The following DDR2 variants were observed in gnomAD, a reference collection of about 807,000 sequenced individuals.
DDR2 encodes the protein discoidin domain-containing receptor 2.
DDR2 carries 27 observed loss-of-function variants against 94.9 expected under a neutral mutation model. The observed-to-expected ratio is 0.28, with a 90% CI of 0.21 to 0.39. The LOEUF (loss-of-function observed/expected upper bound fraction) is 0.39. Among genes scored for constraint, DDR2 ranks in the 10% least tolerant of loss-of-function variants. DDR2 has a pLI of 1.00. For synonymous variants in DDR2, 382 were observed against 377.2 expected, an observed-to-expected ratio of 1.01 and a Z score of -0.15; for missense variants, 783 against 1,076.0, an observed-to-expected ratio of 0.73 and a Z score of 3.81.
At chr1:162,753,243 G>C in intron 4 of DDR2, 46 bp downstream of exon 4, 1 of 1,561,710 alleles carries the variant, frequency 6.4e-7, no homozygotes, top group African/African-American at 1.4e-5. Flanking sequence ...GGGTTGGGCA[G>C]ATTTCCTGGG....
At chr1:162,712,110 T>C (rs1040718302) in intron 2 of DDR2, among the ~76,000 whole-genome samples, 3 of 151,388 alleles carry the variant, frequency 2.0e-5, no homozygotes, top group African/African-American at 7.3e-5. Context: ...ATCTGAGCAC[T>C]AGTGTGAAGC....
At chr1:162,656,806 G>T (rs1274379721) in intron 2 of DDR2, among the ~76,000 whole-genome samples, 1 of 111,292 alleles carries the variant, frequency 9.0e-6, no homozygotes, top group African/African-American at 3.1e-5. Flanking sequence ...AACTATCACT[G>T]TGGTCTTTTC....
chr1:162,730,058 C>CTTAAAAAA (rs1661953788), intron 3 of DDR2, among the ~76,000 whole-genome samples: 1 of 64,188 alleles, frequency 1.6e-5, no homozygotes, highest in Non-Finnish European at 3.1e-5. Flanking sequence ...TTTTTTTTTG[C>CTTAAAAAA]AAAAAAAAAA....
At chr1:162,747,929 C>T (rs1013813943) in intron 3 of DDR2, among the ~76,000 whole-genome samples, 2 of 152,108 alleles carry the variant, frequency 1.3e-5, no homozygotes, top group Non-Finnish European at 2.9e-5. Context: ...GAAATAAAAT[C>T]CTTTACAGAC....
intron 3 of DDR2, among the ~76,000 whole-genome samples, chr1:162,721,990 A>T (rs1661444154): frequency 6.6e-6 from 1 of 152,350 alleles, no homozygotes; most frequent in Non-Finnish European, 1.5e-5. Flanking sequence ...TATTAGCATG[A>T]TTTAGTTGAT....
At chr1:162,642,782 C>T (rs142542853) in intron 1 of DDR2, among the ~76,000 whole-genome samples, 1 of 152,282 alleles carries the variant, frequency 6.6e-6, no homozygotes, top group East Asian at 1.9e-4. Flanking sequence ...ACCTTTCCCT[C>T]TCTCACTGAG....
intron 2 of DDR2, among the ~76,000 whole-genome samples, chr1:162,710,152 T>C (rs1161638692): frequency 6.6e-6 from 1 of 152,174 alleles, no homozygotes; most frequent in East Asian, 1.9e-4. Context: ...GATAGCCATC[T>C]AGCACTTTCC....
chr1:162,656,850 A>AT lies in DDR2; in HGVS notation c.-28+1484dup, dbSNP rs200776585. On this transcript the variant is annotated intron_variant, in intron 2 of 17. Coordinates refer to ENST00000367921, the MANE Select transcript of DDR2 (RefSeq NM_006182.4). The stretch of plus-strand genomic sequence containing the variant: ...CCACTGGAGTTTTTTTTTTTTTTTT[A>AT]TTTTTTTTGTTAACAGGGTTTTGCT... Among the ~76,000 whole-genome samples, 355 of 99,764 alleles carry AT rather than the reference A, an allele frequency of 3.6e-3. 16 individuals are homozygous for AT. The highest frequency in any genetic ancestry group is 0.012 in the African/African-American group (332 of 27,402). 65.4% of individuals were successfully genotyped at this position (99,764 alleles called of 152,430 possible).
At chr1:162,746,868 C>A (rs1442954490) in intron 3 of DDR2, among the ~76,000 whole-genome samples, 1 of 148,734 alleles carries the variant, frequency 6.7e-6, no homozygotes, top group Non-Finnish European at 1.5e-5. Flanking sequence ...GATACCCAGG[C>A]AAACAGGGTC....
chr1:162,697,211 C>G (rs1391155068), intron 2 of DDR2, among the ~76,000 whole-genome samples: 2 of 151,704 alleles, frequency 1.3e-5, no homozygotes, highest in Non-Finnish European at 2.9e-5. Context: ...TAGAGTGCGT[C>G]TTTCTTAGAC....
chr1:162,766,241 C>G (rs971416364), intron 10 of DDR2, among the ~76,000 whole-genome samples, 178 bp downstream of exon 10: 5 of 152,132 alleles, frequency 3.3e-5, no homozygotes, highest in African/African-American at 1.2e-4. Context: ...CAAATATACT[C>G]TCTTCACTAT....
chr1:162,644,621 C>CA (rs1657317271), intron 1 of DDR2, among the ~76,000 whole-genome samples: 2 of 146,290 alleles, frequency 1.4e-5, no homozygotes, highest in Non-Finnish European at 1.5e-5. Context: ...TTTTTTGAGA[C>CA]AGAGTCTCGC....
intron 2 of DDR2, among the ~76,000 whole-genome samples, chr1:162,682,559 C>T (rs1167937408): frequency 3.3e-5 from 5 of 152,132 alleles, no homozygotes; most frequent in Non-Finnish European, 7.4e-5. Context: ...GCTGGCTAGC[C>T]CAGGCTGGCA....
chr1:162,745,624 A>G lies in DDR2; in HGVS notation c.83-7471A>G, dbSNP rs1281806864. On this transcript the variant is annotated intron_variant, in intron 3 of 17. Transcript: ENST00000367921. ...TTTATTTTTGACACTCTTGTTGAAG[A>G]TCAGTTGACCTGTGTGGGTGACTTC... 2.0e-5 allele frequency among the ~76,000 whole-genome samples: 3 copies of G among 151,884 alleles called. No individual in the cohort carries two copies. The South Asian group carries it at 6.2e-4, about 32-fold the overall frequency.
chr1:162,643,048 A>G (rs1558000800), intron 1 of DDR2, among the ~76,000 whole-genome samples: 1 of 152,068 alleles, frequency 6.6e-6, no homozygotes, highest in African/African-American at 2.4e-5. Context: ...TCCTTTTGCT[A>G]TATTTTGGTG....
At chr1:162,693,242 T>G (rs1180327932) in intron 2 of DDR2, among the ~76,000 whole-genome samples, 1 of 152,136 alleles carries the variant, frequency 6.6e-6, no homozygotes, top group Admixed American at 6.6e-5. Flanking sequence ...TGGCCCTGAG[T>G]GGTGATAACA....
At chr1:162,764,092 G>C (rs1324952566) in intron 9 of DDR2, among the ~76,000 whole-genome samples, 1 of 152,170 alleles carries the variant, frequency 6.6e-6, no homozygotes, top group Non-Finnish European at 1.5e-5. Context: ...ATTCTTTTCT[G>C]TATATAGTTA....
intron 7 of DDR2, among the ~76,000 whole-genome samples, chr1:162,757,057 T>C (rs1278979692): frequency 6.6e-6 from 1 of 152,118 alleles, no homozygotes; most frequent in Non-Finnish European, 1.5e-5. Flanking sequence ...ATGATTCAAG[T>C]ATATGAGCAA....
chr1:162,716,309 C>T (rs991119909), intron 2 of DDR2, among the ~76,000 whole-genome samples: 11 of 152,054 alleles, frequency 7.2e-5, no homozygotes, highest in Admixed American at 3.3e-4. Flanking sequence ...TAGGAGAGGG[C>T]GGTGAGCCAA....
Sources: gnomAD v4.1 joint callset for allele counts (sites outside exome capture counted in the v4.1 genomes callset) on GRCh38, gnomAD v4.1.1 for gene constraint, MANE v1.5 for transcripts, NCBI Gene and HGNC (gene_info 2026-07-23, HGNC 2026-07-21) for gene names.